Variants in CTNNA3 observed in about 807,000 individuals in gnomAD.
The protein encoded by CTNNA3 is catenin alpha 3.
Under a neutral mutation model 95.7 loss-of-function variants are expected in CTNNA3, and 76 were observed. The observed-to-expected ratio is 0.79, with a 90% CI of 0.66 to 0.96. The LOEUF (loss-of-function observed/expected upper bound fraction) is 0.96. Among genes scored for constraint, CTNNA3 ranks in the 40% least tolerant of loss-of-function variants. The probability of loss-of-function intolerance (pLI) is 0.00; values close to 1 mark genes in which losing one functional copy is unlikely to be tolerated. For missense variants in CTNNA3, 1,191 were observed against 1,089.8 expected (o/e 1.09, Z -1.31); for synonymous variants, 431 against 374.4 (o/e 1.15, Z -1.74).
intron 11 of CTNNA3, among the ~76,000 whole-genome samples, chr10:66,491,985 T>C (rs1839939703): frequency 6.6e-6 from 1 of 152,118 alleles, no homozygotes; most frequent in Non-Finnish European, 1.5e-5. Flanking sequence ...TCCTAATCAA[T>C]CCACCAGGGA....
intron 5 of CTNNA3, among the ~76,000 whole-genome samples, chr10:67,381,023 A>C (rs1202010549): frequency 1.3e-5 from 2 of 152,140 alleles, no homozygotes; most frequent in Non-Finnish European, 2.9e-5. Context: ...AGTCCTGATG[A>C]CTGTCTCTCT....
At chr10:66,971,374 C>T (rs1034909520) in intron 7 of CTNNA3, among the ~76,000 whole-genome samples, 1 of 151,980 alleles carries the variant, frequency 6.6e-6, no homozygotes, top group Non-Finnish European at 1.5e-5. Flanking sequence ...TGCAGTGAGC[C>T]GAGATCGTGC....
intron 5 of CTNNA3, among the ~76,000 whole-genome samples, chr10:67,481,669 G>T (rs1202328805): frequency 6.6e-6 from 1 of 152,080 alleles, no homozygotes; most frequent in East Asian, 1.9e-4. Context: ...AGATGAGTAG[G>T]TTGTGAAAAT....
chr10:67,592,508 T>TA (rs1334861676), intron 3 of CTNNA3, among the ~76,000 whole-genome samples: 1 of 152,106 alleles, frequency 6.6e-6, no homozygotes, highest in African/African-American at 2.4e-5. Flanking sequence ...CAAAAGATTT[T>TA]AAAAATGGTT....
intron 15 of CTNNA3, among the ~76,000 whole-genome samples, chr10:65,991,809 G>A (rs557621158): frequency 1.3e-5 from 2 of 152,118 alleles, no homozygotes; most frequent in South Asian, 2.1e-4. Flanking sequence ...ATAAAAGTGG[G>A]CATCCTCATC....
intron 5 of CTNNA3, among the ~76,000 whole-genome samples, chr10:67,493,351 G>A (rs149313596): frequency 0.012 from 1,795 of 152,240 alleles, 28 homozygotes; most frequent in African/African-American, 0.036. Context: ...CATGAGGTCA[G>A]GGAATCGAGA....
At chr10:67,554,520 T>G (rs1841160153) in intron 3 of CTNNA3, among the ~76,000 whole-genome samples, 1 of 152,252 alleles carries the variant, frequency 6.6e-6, no homozygotes, top group Non-Finnish European at 1.5e-5. Context: ...ATTGTGAGCA[T>G]TTTTTCATGT....
At chr10:67,699,478 T>C (rs1479824778), upstream of CTNNA3, among the ~76,000 whole-genome samples, 1 of 152,174 alleles carries the variant, frequency 6.6e-6, no homozygotes, top group Non-Finnish European at 1.5e-5. Flanking sequence ...TTAAATGACA[T>C]AGGATATTGA....
intron 7 of CTNNA3, among the ~76,000 whole-genome samples, chr10:66,932,272 C>T (rs551031322): frequency 4.6e-5 from 7 of 152,264 alleles, no homozygotes; most frequent in South Asian, 2.1e-4. Context: ...TTTTAGGATG[C>T]TGTAGGTGCA....
intron 5 of CTNNA3, among the ~76,000 whole-genome samples, chr10:67,398,777 TAGTG>T (rs1482496934): frequency 6.6e-6 from 1 of 152,144 alleles, no homozygotes; most frequent in Non-Finnish European, 1.5e-5. Context: ...GCTTTCATGA[TAGTG>T]AGTGAGTTCT....
chr10:67,055,189 A>T (rs1300773497), intron 7 of CTNNA3, among the ~76,000 whole-genome samples: 1 of 152,104 alleles, frequency 6.6e-6, no homozygotes, highest in African/African-American at 2.4e-5. Flanking sequence ...TTGCATCTCA[A>T]CTTTCCACAT....
intron 11 of CTNNA3, among the ~76,000 whole-genome samples, chr10:66,448,441 CG>C (rs1428356993): frequency 6.6e-6 from 1 of 151,922 alleles, no homozygotes; most frequent in Non-Finnish European, 1.5e-5. Flanking sequence ...TGTCCAACAG[CG>C]ATAGACTGGA....
intron 14 of CTNNA3, among the ~76,000 whole-genome samples, chr10:66,087,127 A>C (rs1395256765): frequency 6.6e-6 from 1 of 151,996 alleles, no homozygotes; most frequent in Admixed American, 6.6e-5. Flanking sequence ...CTACATAATA[A>C]AAGATTTGTG....
chr10:66,359,808 C>T (rs1010922745), intron 12 of CTNNA3, among the ~76,000 whole-genome samples: 1 of 149,270 alleles, frequency 6.7e-6, no homozygotes, highest in African/African-American at 2.5e-5. Flanking sequence ...TAATTGCATG[C>T]CATTGTACCA....
At chr10:66,669,399 C>T (rs946916075) in intron 9 of CTNNA3, among the ~76,000 whole-genome samples, 8 of 151,892 alleles carry the variant, frequency 5.3e-5, no homozygotes, top group Admixed American at 3.9e-4. Flanking sequence ...CAAAATTAGC[C>T]AGGCATGGTG....
chr10:66,767,456 C>A (rs202236879), intron 8 of CTNNA3, among the ~76,000 whole-genome samples: 258 of 140,546 alleles, frequency 1.8e-3, no homozygotes, highest in East Asian at 1.9e-3. Context: ...CTCCCCCCGA[C>A]AAAAAAAAAA....
chr10:67,187,427 G>C (rs565260330), intron 6 of CTNNA3, among the ~76,000 whole-genome samples: 10 of 151,982 alleles, frequency 6.6e-5, no homozygotes, highest in Non-Finnish European at 1.5e-4. Context: ...AGACCACCTG[G>C]CAAACTTCTT....
rs1201938859 is a variant in CTNNA3 at position 66,941,609 on chromosome 10, A to G, written c.1048-166085T>C. Among the ~76,000 whole-genome samples, 3 of 152,210 alleles carry G rather than the reference A, an allele frequency of 2.0e-5. No individual in the cohort carries two copies. In the East Asian group the frequency reaches 5.8e-4, roughly 29 times the overall value. On this transcript the variant is annotated intron_variant, in intron 7 of 17. Coordinates refer to ENST00000433211, the MANE Select transcript of CTNNA3 (RefSeq NM_013266.4). ...CAAAGGCCATAAAAGCTATTTGTCAAATAAACTGCAGAACACGATATCAGT... is the reference window on the plus strand; with the variant it reads ...CAAAGGCCATAAAAGCTATTTGTCAGATAAACTGCAGAACACGATATCAGT...
chr10:66,022,062 T>C lies in CTNNA3; in HGVS notation c.2160-33265A>G, dbSNP rs923600219. Among the ~76,000 whole-genome samples, 3 of 151,996 alleles carry C rather than the reference T, an allele frequency of 2.0e-5. No individual in the cohort carries two copies. The East Asian group carries it at 5.9e-4, about 30-fold the overall frequency. ...GTGTAGAGGTGGGGTCTTGCTATGC[T>C]GCCAAGGCTGTTCTCAAACTTTTGG... is the stretch of plus-strand genomic sequence containing the variant. On this transcript the variant is annotated intron_variant, in intron 15 of 17. Transcript: ENST00000433211.
Sources: gnomAD v4.1 joint callset for allele counts (sites outside exome capture counted in the v4.1 genomes callset) on GRCh38, gnomAD v4.1.1 for gene constraint, MANE v1.5 for transcripts, NCBI Gene and HGNC (gene_info 2026-07-23, HGNC 2026-07-21) for gene names.